The following TUBB8B variants were observed in gnomAD, a reference collection of about 807,000 sequenced individuals.
The protein encoded by TUBB8B is tubulin beta 8B, also known as HSA18p11 beta-tubulin 4Q pseudogene.
Under a neutral mutation model 31.9 loss-of-function variants are expected in TUBB8B, and 26 were observed. The ratio of observed to expected loss-of-function variants is 0.81; its 90% CI spans 0.60 to 1.13. TUBB8B has a LOEUF of 1.13. TUBB8B is among the 50% of genes most tolerant of loss of function. TUBB8B has a pLI of 0.00. For missense variants in TUBB8B, 467 were observed against 586.7 expected, an observed-to-expected ratio of 0.80 and a Z score of 2.11; for synonymous variants, 173 against 231.0, an observed-to-expected ratio of 0.75 and a Z score of 2.28.
At chr18:67,323 A>G in the TUBB8B span, among the ~76,000 whole-genome samples, 2 of 151,838 alleles carry the variant, frequency 1.3e-5, no homozygotes. Context: ...ACCTTGGTTA[A>G]ATTTATTCCA....
chr18:72,237 G>T, the TUBB8B span, among the ~76,000 whole-genome samples: 1 of 145,320 alleles, frequency 6.9e-6, no homozygotes, highest in Admixed American at 7.0e-5. Context: ...AGGGCCATAC[G>T]GGTTTACAGC....
the TUBB8B span, among the ~76,000 whole-genome samples, chr18:72,351 G>C: frequency 6.6e-6 from 1 of 152,118 alleles, no homozygotes; most frequent in Admixed American, 6.6e-5. Context: ...ATGGTATCAT[G>C]TCAAAGCTTG....
chr18:50,215 G>C (rs1265076015), upstream of TUBB8B: 1 of 213,104 alleles, frequency 4.7e-6, no homozygotes. Flanking sequence ...ATAGGTGTTG[G>C]GTTACGCCTG....
At chr18:69,771 T>C in the TUBB8B span, among the ~76,000 whole-genome samples, 2 of 152,346 alleles carry the variant, frequency 1.3e-5, no homozygotes, top group African/African-American at 4.8e-5. Flanking sequence ...AAGTATATTT[T>C]TAAAATATTA....
At chr18:56,100 T>C in the TUBB8B span, among the ~76,000 whole-genome samples, 2 of 151,952 alleles carry the variant, frequency 1.3e-5, no homozygotes, top group Admixed American at 1.3e-4. Context: ...GTCTTGTTTT[T>C]TGTTGTATGT....
At chr18:56,641 T>A in the TUBB8B span, among the ~76,000 whole-genome samples, 1 of 151,954 alleles carries the variant, frequency 6.6e-6, no homozygotes, top group Non-Finnish European at 1.5e-5. Flanking sequence ...CATATAGAAA[T>A]CCTACTGATT....
rs747305234 is a variant in TUBB8B, at chr18:47,696, G to A, written c.1029C>T (p.Asp343=). The A allele has an allele frequency of 9.9e-6, 16 of 1,611,824 alleles. No individual in the cohort carries two copies. The highest frequency in any genetic ancestry group is 1.3e-5 in the Non-Finnish European group (15 of 1,179,258). Residue 343 remains aspartate (D), a synonymous_variant, in exon 4 of 4, where the codon GAC becomes GAT. Transcript: ENST00000308911. Reference sequence around the variant, plus strand: ...CTGTTTTTACGTTGTCGGGGAACCAGTCAGCAAAGTAGCTGCTGTTCTTAT... The same window carrying A: ...CTGTTTTTACGTTGTCGGGGAACCAATCAGCAAAGTAGCTGCTGTTCTTAT... The part of the protein sequence containing the change: ...IQDKNSSYFA[D]WFPDNVKTAV...
upstream of TUBB8B, chr18:50,142 C>T (rs1600578774): frequency 2.9e-6 from 1 of 339,742 alleles, no homozygotes; most frequent in African/African-American, 2.2e-5. Flanking sequence ...AGCCCTTTCA[C>T]CTTTCCAGAG....
chr18:50,126 A>G, upstream of TUBB8B: 6 of 349,374 alleles, frequency 1.7e-5, no homozygotes, highest in South Asian at 1.3e-4. Flanking sequence ...TCTGTAGAGT[A>G]GGATTAGCCC....
the TUBB8B span, among the ~76,000 whole-genome samples, chr18:72,270 A>C: frequency 5.3e-5 from 8 of 152,090 alleles, no homozygotes; most frequent in African/African-American, 1.9e-4. Context: ...AACCTTAACG[A>C]AATCTGATTT....
the TUBB8B span, among the ~76,000 whole-genome samples, chr18:71,006 G>C: frequency 6.6e-6 from 1 of 152,054 alleles, no homozygotes; most frequent in Non-Finnish European, 1.5e-5. Flanking sequence ...CCAGCACTTT[G>C]GGAGGCTGAC....
the TUBB8B span, among the ~76,000 whole-genome samples, chr18:64,371 G>A: frequency 3.3e-5 from 5 of 152,124 alleles, no homozygotes; most frequent in South Asian, 1.0e-3. Context: ...ATGAAAAGTT[G>A]CTTACACTGA....
At chr18:73,327 C>A in the TUBB8B span, 1 of 166,094 alleles carries the variant, frequency 6.0e-6, no homozygotes. Flanking sequence ...CCTCGGTGGC[C>A]CCAGGTGTCC....
the TUBB8B span, among the ~76,000 whole-genome samples, chr18:70,654 G>A: frequency 9.5e-4 from 141 of 148,930 alleles, no homozygotes; most frequent in African/African-American, 3.2e-3. Context: ...AAAGAAAAAA[G>A]AAAAATACTG....
At chr18:60,486 C>G in the TUBB8B span, among the ~76,000 whole-genome samples, 1 of 151,380 alleles carries the variant, frequency 6.6e-6, no homozygotes, top group Non-Finnish European at 1.5e-5. Flanking sequence ...TTTATTATTT[C>G]TTTTCTTCTA....
chr18:63,328 G>C, the TUBB8B span, among the ~76,000 whole-genome samples: 1 of 151,820 alleles, frequency 6.6e-6, no homozygotes, highest in African/African-American at 2.4e-5. Context: ...CAAAAGCACA[G>C]TAGCAAACAT....
At chr18:55,178 T>G in the TUBB8B span, among the ~76,000 whole-genome samples, 1 of 151,854 alleles carries the variant, frequency 6.6e-6, no homozygotes, top group East Asian at 1.9e-4. Flanking sequence ...CTCGGTTCAC[T>G]GCAACCTCCA....
At chr18:63,344 G>C in the TUBB8B span, among the ~76,000 whole-genome samples, 922 of 151,876 alleles carry the variant, frequency 6.1e-3, 24 homozygotes, top group Non-Finnish European at 0.01. Context: ...AACATGTAGA[G>C]GTACTGCTGT....
At chr18:70,685 C>G in the TUBB8B span, among the ~76,000 whole-genome samples, 2,008 of 152,088 alleles carry the variant, frequency 0.013, 20 homozygotes, top group Middle Eastern at 0.027. Context: ...CGCAGTAGTT[C>G]ACACCTGTAA....
Sources: allele counts gnomAD v4.1 joint callset (sites outside exome capture counted in the v4.1 genomes callset), GRCh38; gene constraint gnomAD v4.1.1; transcripts MANE v1.5; gene names NCBI Gene and HGNC (gene_info 2026-07-23, HGNC 2026-07-21).